DICER1: variants seen among roughly 807,000 people sequenced by gnomAD.
DICER1 encodes dicer 1, ribonuclease III, also known as endoribonuclease Dicer.
Under a neutral mutation model 194.1 loss-of-function variants are expected in DICER1, and 43 were observed. The ratio of observed to expected loss-of-function variants is 0.22; its 90% CI spans 0.17 to 0.29. The LOEUF is 0.29. Ranked by LOEUF, DICER1 falls within the 10% of genes least tolerant of loss-of-function variation. DICER1 has a pLI of 1.00. For missense variants in DICER1, 1,608 were observed against 2,317.0 expected, an observed-to-expected ratio of 0.69 and a Z score of 6.28; for synonymous variants, 832 against 820.5, an observed-to-expected ratio of 1.01 and a Z score of -0.24.
intron 1 of DICER1, among the ~76,000 whole-genome samples, chr14:95,146,372 G>A (rs1286556128): frequency 1.3e-5 from 2 of 152,052 alleles, no homozygotes; most frequent in Admixed American, 1.3e-4. Context: ...ACCTTTGAGT[G>A]GTGCTTTTAA....
intron 4 of DICER1, among the ~76,000 whole-genome samples, chr14:95,130,858 C>T (rs1005407168): frequency 9.9e-5 from 15 of 152,150 alleles, no homozygotes; most frequent in Non-Finnish European, 1.5e-4. Flanking sequence ...ACAGCTCAAG[C>T]AAGAAATTTT....
chr14:95,090,434 T>A lies in DICER1; in HGVS notation c.*64A>T. On this transcript the variant is annotated 3_prime_UTR_variant, in exon 27 of 27. Coordinates refer to ENST00000343455, the MANE Select transcript of DICER1 (RefSeq NM_177438.3). ...AACAACTTTAAGTCTTCCTTTCCGATTTAAATAATTTTCCCCTTAATTTTT... is the reference window on the plus strand; with the variant it reads ...AACAACTTTAAGTCTTCCTTTCCGAATTAAATAATTTTCCCCTTAATTTTT... The A allele has an allele frequency of 6.4e-7, 1 of 1,573,792 alleles. No homozygotes were observed. The highest frequency in any genetic ancestry group is 8.7e-7 in the Non-Finnish European group (1 of 1,145,592).
upstream of DICER1, chr14:95,157,923 T>C (rs1896006784): frequency 6.6e-6 from 1 of 152,242 alleles, no homozygotes; most frequent in Non-Finnish European, 1.5e-5. Context: ...CTCCCCTTTT[T>C]AAAGTACCTT....
intron 1 of DICER1, chr14:95,141,334 CG>C (rs1168213030): frequency 2.0e-5 from 3 of 152,084 alleles, no homozygotes; most frequent in Non-Finnish European, 4.4e-5. Flanking sequence ...ATGTTAATGT[CG>C]GGCATAAATT....
At chr14:95,106,915 A>C (rs1051286008) in intron 17 of DICER1, among the ~76,000 whole-genome samples, 1 of 152,240 alleles carries the variant, frequency 6.6e-6, no homozygotes, top group African/African-American at 2.4e-5. Context: ...TTTTAAGAAG[A>C]AAGCCTATCA....
At position 95,103,531 on chromosome 14, in the gene DICER1, T is replaced by A. The variant is rs1891089097; in HGVS notation, c.3865A>T (p.Thr1289Ser). Residue 1289 changes from threonine to serine, a missense_variant, in exon 21 of 27, where the codon ACT (threonine) becomes TCT (serine). Thr to Ser is a moderately conservative substitution (Grantham distance 58). Transcript: ENST00000343455. ...ATAAGTCCAGGATTGGGGCCAAGAG[T>A]CCTTGAGGAGTACCCAATAGAAGGG... ...QSPSIGYSSRTLGPNPGLILQ... is the reference protein window; with the variant it reads ...QSPSIGYSSRSLGPNPGLILQ... 5 of 1,613,786 alleles carry A rather than the reference T, an allele frequency of 3.1e-6. No individual in the cohort carries two copies. Among genetic ancestry groups the A allele is most frequent in the Non-Finnish European group, 4.2e-6 (5 of 1,179,946 alleles).
In DICER1 at chr14:95,103,904, G is replaced by A. The variant is rs1566768755; in HGVS notation, c.3492C>T (p.Leu1164=). The change falls in exon 21 of 27, where the codon CTC becomes CTT. Residue 1164 remains leucine, a synonymous_variant. Coordinates refer to ENST00000343455, the MANE Select transcript of DICER1 (RefSeq NM_177438.3). ...RTLLSESPGK[L]HVEVSADLTA... Reference sequence around the variant, plus strand: ...TAAGATCTGCTGAAACTTCAACGTGGAGCTTACCAGGGGACTCGCTGAGCA... The same window carrying A: ...TAAGATCTGCTGAAACTTCAACGTGAAGCTTACCAGGGGACTCGCTGAGCA... The A allele has an allele frequency of 6.2e-7, 1 of 1,614,176 alleles. No homozygotes were observed. Among genetic ancestry groups the A allele is most frequent in the Non-Finnish European group, 8.5e-7 (1 of 1,180,024 alleles).
chr14:95,093,900 TC>T lies in DICER1; in HGVS notation c.5351del (p.Gly1784GlufsTer54). The stretch of plus-strand genomic sequence containing the variant: ...GAACAGCACTAACCTCAGAATCCAT[TC>T]CTTGCATTTCATTCTTCTCAAGCTG... The part of the protein sequence containing the change: ...QFQLEKNEMQ[G>X]MDSELRRSEE... On this transcript the variant is annotated frameshift_variant, in exon 24 of 27. Transcript: ENST00000343455. LOFTEE classifies it high-confidence loss of function. The T allele has an allele frequency of 1.2e-6, 2 of 1,614,144 alleles. No individual in the cohort carries two copies. The highest frequency in any genetic ancestry group is 1.7e-6 in the Non-Finnish European group (2 of 1,180,016).
chr14:95,110,175 C>T (rs984882161), intron 14 of DICER1, among the ~76,000 whole-genome samples: 3 of 152,212 alleles, frequency 2.0e-5, no homozygotes, highest in African/African-American at 7.2e-5. Context: ...AAAAAAAACA[C>T]TTTTAATATT....
rs1184743227 is a variant in DICER1, at chr14:95,096,470, G to T, written c.4450C>A (p.Pro1484Thr). The change falls in exon 23 of 27, where the codon CCC becomes ACC. Residue 1484 changes from proline to threonine, a missense_variant. Physicochemically the swap from Pro to Thr is conservative, Grantham distance 38. Transcript: ENST00000343455. ...ATACTACCTAAGGAGGATTTTTTGG[G>T]CATTTTCCATTCATATGCAGAATCA... Reference protein sequence around the residue: ...TTDSAYEWKMPKKSSLGSMPF... With the variant: ...TTDSAYEWKMTKKSSLGSMPF... The T allele has an allele frequency of 2.5e-6, 4 of 1,613,970 alleles. No homozygotes were observed. The highest frequency in any genetic ancestry group is 2.2e-5 in the East Asian group (1 of 44,898).
chr14:95,141,418 G>A (rs1290804893), intron 1 of DICER1, among the ~76,000 whole-genome samples: 3 of 152,186 alleles, frequency 2.0e-5, no homozygotes, highest in Non-Finnish European at 4.4e-5. Flanking sequence ...GATATAAAAA[G>A]TTTAATTTGA....
intron 1 of DICER1, among the ~76,000 whole-genome samples, chr14:95,155,809 GTTTTTTGT>G (rs1374846482): frequency 6.6e-6 from 1 of 152,026 alleles, no homozygotes; most frequent in African/African-American, 2.4e-5. Flanking sequence ...GCAATCTTTA[GTTTTTTGT>G]TTTTTTATCT....
chr14:95,116,870 T>A (rs1349333298), intron 9 of DICER1, among the ~76,000 whole-genome samples, 175 bp from the exon 10 acceptor site: 1 of 152,168 alleles, frequency 6.6e-6, no homozygotes, highest in Non-Finnish European at 1.5e-5. Flanking sequence ...TCAGCATGCA[T>A]GGAAACATGG....
At chr14:95,138,542 T>C (rs1894586329) in intron 1 of DICER1, among the ~76,000 whole-genome samples, 1 of 152,018 alleles carries the variant, frequency 6.6e-6, no homozygotes, top group South Asian at 2.1e-4. Context: ...TGGAATGGAA[T>C]TCATTAAAAA....
rs1266048136 is a variant in DICER1 at position 95,105,293 on chromosome 14, C to T, written c.3094-47G>A. Reference sequence around the variant, plus strand: ...GACAGATAAATACAAAGCGCACACACAAAAGAAAAAAAAAAAGACCAATTT... The same window carrying T: ...GACAGATAAATACAAAGCGCACACATAAAAGAAAAAAAAAAAGACCAATTT... On this transcript the variant is annotated intron_variant, in intron 19 of 26. Transcript: ENST00000343455. This position sits in a 1 kb window ranked among gnomAD's most constrained non-coding sequence, Gnocchi z 4.9. The T allele has an allele frequency of 1.4e-6, 2 of 1,427,266 alleles. No homozygotes were observed. Among genetic ancestry groups the T allele is most frequent in the African/African-American group, 3.1e-5 (2 of 64,324 alleles). The allele number at this position is 1,427,266 out of a possible 1,614,324, so 88.4% of individuals were successfully genotyped here.
intron 14 of DICER1, among the ~76,000 whole-genome samples, chr14:95,109,219 G>C (rs1483859509): frequency 6.6e-6 from 1 of 152,156 alleles, no homozygotes. Flanking sequence ...TTGCTGCTAG[G>C]CTTTCAATAT....
chr14:95,130,667 G>C (rs1184971517), intron 4 of DICER1, among the ~76,000 whole-genome samples: 1 of 152,172 alleles, frequency 6.6e-6, no homozygotes, highest in Non-Finnish European at 1.5e-5. Context: ...ACACTAGTAG[G>C]CTGGGCTGTT....
intron 4 of DICER1, among the ~76,000 whole-genome samples, chr14:95,130,852 C>G (rs73331546): frequency 0.033 from 5,052 of 152,236 alleles, 311 homozygotes; most frequent in African/African-American, 0.12. Context: ...ACCTAAACAG[C>G]TCAAGCAAGA....
rs1891099996 is a variant in DICER1, at chr14:95,103,596, G to C, written c.3800C>G (p.Thr1267Ser). 6.2e-7 allele frequency: 1 copy of C among 1,614,202 alleles called. No individual in the cohort carries two copies. Among genetic ancestry groups the C allele is most frequent in the Non-Finnish European group, 8.5e-7 (1 of 1,180,032 alleles). The change falls in exon 21 of 27, where the codon ACT (threonine) becomes AGT (serine). Residue 1267 changes from threonine (T) to serine (S), a missense_variant. Transcript: ENST00000343455. ...VMAVMPGTTDTIQVLKGRMDS... is the reference protein window; with the variant it reads ...VMAVMPGTTDSIQVLKGRMDS... ...CATCCTGCCCTTGAGCACTTGAATAGTGTCTGTCGTACCAGGCATTACGGC... is the reference window on the plus strand; with the variant it reads ...CATCCTGCCCTTGAGCACTTGAATACTGTCTGTCGTACCAGGCATTACGGC...
Sources: allele counts gnomAD v4.1 joint callset (sites outside exome capture counted in the v4.1 genomes callset), GRCh38; gene constraint gnomAD v4.1.1; non-coding constraint Gnocchi (gnomAD v3.1); transcripts MANE v1.5; gene names NCBI Gene and HGNC (gene_info 2026-07-23, HGNC 2026-07-21).